The following KCNH5 variants were observed in gnomAD, a reference collection of about 807,000 sequenced individuals.
KCNH5 encodes voltage-gated delayed rectifier potassium channel KCNH5.
KCNH5 carries 46 observed loss-of-function variants against 96.1 expected under a neutral mutation model. The observed-to-expected ratio is 0.48, with a 90% CI of 0.38 to 0.61. The LOEUF is 0.61. Ranked by LOEUF, KCNH5 falls within the 20% of genes least tolerant of loss-of-function variation. The probability of loss-of-function intolerance (pLI) is 0.00; values close to 1 mark genes in which losing one functional copy is unlikely to be tolerated. For missense variants in KCNH5, 907 were observed against 1,225.8 expected, an observed-to-expected ratio of 0.74 and a Z score of 3.88; for synonymous variants, 439 against 449.8, an observed-to-expected ratio of 0.98 and a Z score of 0.30.
Position 62,756,147 on chromosome 14 carries a change from T to G in KCNH5, c.2019+23581A>C, listed in dbSNP as rs2139950296. 1.3e-5 allele frequency among the ~76,000 whole-genome samples: 2 copies of G among 152,212 alleles called. 1 individual carries two copies. Among genetic ancestry groups the G allele is most frequent in the South Asian group, 4.1e-4 (2 of 4,822 alleles). ...CAACATGTAAAAATCAGTAGCATTT[T>G]TATATGCCAACGGCAAACAATCTGA... On this transcript the variant is annotated intron_variant, in intron 10 of 10. Coordinates refer to ENST00000322893, the MANE Select transcript of KCNH5 (RefSeq NM_139318.5).
chr14:62,809,464 G>GT (rs1047497973), intron 8 of KCNH5, among the ~76,000 whole-genome samples: 2 of 152,000 alleles, frequency 1.3e-5, no homozygotes, highest in Non-Finnish European at 2.9e-5. Flanking sequence ...CTGACCTATG[G>GT]TAAGTAAAGA....
chr14:62,954,038 C>T (rs1890054767), intron 6 of KCNH5, among the ~76,000 whole-genome samples: 1 of 152,240 alleles, frequency 6.6e-6, no homozygotes, highest in African/African-American at 2.4e-5. Context: ...CAGCATCTCT[C>T]CTGCCAATTC....
In KCNH5 at chr14:62,981,166, A is replaced by G. The variant is rs775889528; in HGVS notation, c.648T>C (p.Thr216=). ...TAAGAATTAAAATCACCCAATCCCAAGTAGTTTTAAAAGCACAATAATGTA... is the reference window on the plus strand; with the variant it reads ...TAAGAATTAAAATCACCCAATCCCAGGTAGTTTTAAAAGCACAATAATGTA... ...IILHYCAFKT[T]WDWVILILTF... Residue 216 remains threonine, a synonymous_variant, in exon 6 of 11, where the codon ACT becomes ACC. Transcript: ENST00000322893. The G allele has an allele frequency of 6.2e-7, 1 of 1,614,170 alleles. No individual in the cohort carries two copies. Among genetic ancestry groups the G allele is most frequent in the Non-Finnish European group, 8.5e-7 (1 of 1,180,016 alleles).
At chr14:62,968,620 A>C (rs1001614929) in intron 6 of KCNH5, among the ~76,000 whole-genome samples, 3 of 152,238 alleles carry the variant, frequency 2.0e-5, no homozygotes, top group Admixed American at 6.5e-5. Context: ...AGCACAGCTA[A>C]GATTATGTCA....
chr14:62,729,739 A>G (rs1885010458), intron 10 of KCNH5, among the ~76,000 whole-genome samples: 1 of 152,204 alleles, frequency 6.6e-6, no homozygotes, highest in Non-Finnish European at 1.5e-5. Flanking sequence ...GAATTGCCAC[A>G]TGGCTGAGCT....
chr14:62,724,490 G>A (rs1884881970), intron 10 of KCNH5, among the ~76,000 whole-genome samples: 1 of 152,180 alleles, frequency 6.6e-6, no homozygotes, highest in Non-Finnish European at 1.5e-5. Context: ...CTTGCTAAAA[G>A]ATAACATACT....
At chr14:63,003,686 C>A (rs1891072262) in intron 3 of KCNH5, among the ~76,000 whole-genome samples, 1 of 140,530 alleles carries the variant, frequency 7.1e-6, no homozygotes. Flanking sequence ...GTGGCACTAT[C>A]TCGGCTCACT....
chr14:62,878,591 T>C (rs966840242), intron 7 of KCNH5, among the ~76,000 whole-genome samples: 4 of 152,066 alleles, frequency 2.6e-5, no homozygotes, highest in African/African-American at 9.7e-5. Context: ...ATATACAAAA[T>C]ATATAAAGAA....
chr14:62,838,955 AT>A (rs1300563006), intron 8 of KCNH5, among the ~76,000 whole-genome samples: 1 of 152,172 alleles, frequency 6.6e-6, no homozygotes, highest in Non-Finnish European at 1.5e-5. Flanking sequence ...GTTGTAGCTC[AT>A]TTGATACTTT....
At chr14:62,711,160 T>C (rs1006779364) in intron 10 of KCNH5, among the ~76,000 whole-genome samples, 2 of 152,190 alleles carry the variant, frequency 1.3e-5, no homozygotes, top group African/African-American at 4.8e-5. Context: ...TGTAAGACTG[T>C]AACATGTCCA....
intron 8 of KCNH5, among the ~76,000 whole-genome samples, chr14:62,840,031 T>C (rs964333632): frequency 6.6e-6 from 1 of 152,178 alleles, no homozygotes; most frequent in Non-Finnish European, 1.5e-5. Flanking sequence ...CTATTGAAGA[T>C]TTTTCTCCCC....
chr14:62,850,603 C>G (rs1887784609), intron 7 of KCNH5, among the ~76,000 whole-genome samples: 1 of 152,148 alleles, frequency 6.6e-6, no homozygotes, highest in South Asian at 2.1e-4. Context: ...AAAGCCCCAA[C>G]TGCTCCCTCC....
At chr14:63,027,088 T>C (rs11628128) in intron 1 of KCNH5, among the ~76,000 whole-genome samples, 7,176 of 151,994 alleles carry the variant, frequency 0.047, 192 homozygotes, top group East Asian at 0.061. Context: ...TTAAGCGAAA[T>C]AAGTCAGACA....
At chr14:62,869,710 C>A (rs964428965) in intron 7 of KCNH5, among the ~76,000 whole-genome samples, 2 of 152,090 alleles carry the variant, frequency 1.3e-5, no homozygotes, top group African/African-American at 4.8e-5. Context: ...TACAAGGCTG[C>A]AGTAACTGAA....
chr14:62,720,325 T>C (rs1281717338), intron 10 of KCNH5, among the ~76,000 whole-genome samples: 1 of 152,072 alleles, frequency 6.6e-6, no homozygotes, highest in East Asian at 1.9e-4. Flanking sequence ...AGCAGAGGAC[T>C]CACATAATCT....
At position 62,802,296 on chromosome 14, in the gene KCNH5, C is replaced by G. The variant is rs773052048; in HGVS notation, c.1822+33G>C. On this transcript the variant is annotated intron_variant, in intron 9 of 10. Transcript: ENST00000322893. ...CAAAATATCTAAAACTGTTACTACGCATTTGCTACTACATTAGGAAAGTTC... is the reference window on the plus strand; with the variant it reads ...CAAAATATCTAAAACTGTTACTACGGATTTGCTACTACATTAGGAAAGTTC... The G allele has an allele frequency of 3.8e-6, 6 of 1,597,142 alleles. No individual in the cohort carries two copies. In the Admixed American group the frequency reaches 1.0e-4, roughly 27 times the overall value.
chr14:62,732,442 A>T (rs1474951727), intron 10 of KCNH5, among the ~76,000 whole-genome samples: 1 of 151,940 alleles, frequency 6.6e-6, no homozygotes, highest in African/African-American at 2.4e-5. Context: ...TTTTATTGGT[A>T]TCACTTACCT....
chr14:62,861,599 A>G (rs1278628487), intron 7 of KCNH5, among the ~76,000 whole-genome samples: 1 of 151,208 alleles, frequency 6.6e-6, no homozygotes, highest in African/African-American at 2.4e-5. Context: ...TCCTATGTTA[A>G]GTTAGGAAAA....
At chr14:62,999,105 C>T (rs1384506137) in intron 4 of KCNH5, among the ~76,000 whole-genome samples, 5 of 152,278 alleles carry the variant, frequency 3.3e-5, no homozygotes, top group South Asian at 2.1e-4. Flanking sequence ...CCGGAGGAAT[C>T]GCCACACTGA....
Sources: gnomAD v4.1 joint callset for allele counts (sites outside exome capture counted in the v4.1 genomes callset) on GRCh38, gnomAD v4.1.1 for gene constraint, MANE v1.5 for transcripts, NCBI Gene and HGNC (gene_info 2026-07-23, HGNC 2026-07-21) for gene names.